MSI2: variants seen among roughly 807,000 people sequenced by gnomAD.
MSI2 encodes musashi RNA binding protein 2.
Under a neutral mutation model 45.6 loss-of-function variants are expected in MSI2, and 17 were observed. The observed-to-expected ratio is 0.37, with a 90% CI of 0.26 to 0.56. The LOEUF (loss-of-function observed/expected upper bound fraction) is 0.56, where lower values mean the gene tolerates loss of function less well. MSI2 is among the 20% of genes least tolerant of loss of function. The pLI, the probability that MSI2 is intolerant of heterozygous loss-of-function variation, is 0.77. For synonymous variants in MSI2, 156 were observed against 158.2 expected, an observed-to-expected ratio of 0.99 and a Z score of 0.11; for missense variants, 293 against 444.2, an observed-to-expected ratio of 0.66 and a Z score of 3.06.
At chr17:57,659,931 G>A (rs1279975426) in intron 11 of MSI2, among the ~76,000 whole-genome samples, 2 of 152,150 alleles carry the variant, frequency 1.3e-5, no homozygotes, top group African/African-American at 2.4e-5. Flanking sequence ...TATAACAATA[G>A]TAATTATTGT....
At chr17:57,406,648 T>C (rs932251245) in intron 6 of MSI2, among the ~76,000 whole-genome samples, 2 of 152,214 alleles carry the variant, frequency 1.3e-5, no homozygotes, top group East Asian at 3.8e-4. Context: ...GACTTATGCT[T>C]AGTCATTGGT....
At chr17:57,258,652 G>C (rs570609672) in intron 4 of MSI2, among the ~76,000 whole-genome samples, 1 of 152,316 alleles carries the variant, frequency 6.6e-6, no homozygotes, top group South Asian at 2.1e-4. Flanking sequence ...CTCCACCAGA[G>C]AGCAAATGCA....
intron 11 of MSI2, among the ~76,000 whole-genome samples, chr17:57,673,079 A>G (rs1040230694): frequency 2.0e-5 from 3 of 152,206 alleles, no homozygotes; most frequent in Non-Finnish European, 2.9e-5. Context: ...TCCCGCCCCA[A>G]GGGCATCTGG....
At chr17:57,641,143 C>T (rs1336140263) in intron 10 of MSI2, among the ~76,000 whole-genome samples, 1 of 152,210 alleles carries the variant, frequency 6.6e-6, no homozygotes. Flanking sequence ...TTGGTGGTGT[C>T]TGCCCTTCAA....
At chr17:57,636,905 AG>A (rs1909879398) in intron 10 of MSI2, among the ~76,000 whole-genome samples, 1 of 152,206 alleles carries the variant, frequency 6.6e-6, no homozygotes, top group South Asian at 2.1e-4. Flanking sequence ...TTTCCCAGGT[AG>A]GCTGCCATAA....
At chr17:57,557,232 G>A (rs1452821057) in intron 7 of MSI2, among the ~76,000 whole-genome samples, 3 of 152,236 alleles carry the variant, frequency 2.0e-5, no homozygotes, top group Non-Finnish European at 4.4e-5. Flanking sequence ...CTCAGTCATA[G>A]GCAACCAGAT....
intron 5 of MSI2, among the ~76,000 whole-genome samples, chr17:57,289,381 C>T (rs765609478): frequency 1.3e-4 from 20 of 152,050 alleles, no homozygotes; most frequent in Non-Finnish European, 2.4e-4. Flanking sequence ...GCAAGCTCCA[C>T]GAGTTTGATT....
In MSI2 at chr17:57,600,553, G is replaced by A. The variant is rs111467725; in HGVS notation, c.537+3603G>A. Among the ~76,000 whole-genome samples the A allele has an allele frequency of 9.6e-3, 1,460 of 152,262 alleles. 26 individuals carry two copies. Among genetic ancestry groups the A allele is most frequent in the African/African-American group, 0.033 (1,379 of 41,516 alleles). On this transcript the variant is annotated intron_variant, in intron 8 of 13. Transcript: ENST00000284073. ...AAGCCATTGCCCATCTAATTGGGTCGGGGAGTCTCTTCCTGGGCATTTTTT... is the reference window on the plus strand; with the variant it reads ...AAGCCATTGCCCATCTAATTGGGTCAGGGAGTCTCTTCCTGGGCATTTTTT...
chr17:57,600,801 G>C (rs1030306780), intron 8 of MSI2: 1 of 152,212 alleles, frequency 6.6e-6, no homozygotes, highest in Non-Finnish European at 1.5e-5. Context: ...ACTAATAGCT[G>C]ACATTGGGTG....
chr17:57,497,034 A>G (rs868013498), intron 6 of MSI2, among the ~76,000 whole-genome samples: 60 of 152,142 alleles, frequency 3.9e-4, no homozygotes, highest in African/African-American at 1.3e-3. Context: ...CTGGAGTGCG[A>G]TGGTGCAATC....
At position 57,680,349 on chromosome 17, in the gene MSI2, G is replaced by T. The variant is rs951997214; in HGVS notation, c.*832G>T. The T allele has an allele frequency of 4.4e-6, 1 of 226,004 alleles. No homozygotes were observed. The highest frequency in any genetic ancestry group is 8.8e-6 in the Non-Finnish European group (1 of 113,704). 14.0% of individuals were successfully genotyped at this position (226,004 alleles called of 1,614,324 possible). ...TTGTGAATTCTAAAAAAGAAATGTT[G>T]TAAATACAATTCCATTAACTACATA... is the stretch of plus-strand genomic sequence containing the variant. On this transcript the variant is annotated 3_prime_UTR_variant, in exon 14 of 14. Coordinates refer to ENST00000284073, the MANE Select transcript of MSI2 (RefSeq NM_138962.4).
Position 57,682,042 on chromosome 17 carries a change from CT to C in MSI2, c.*2532del. 1 of 206,772 alleles carries C rather than the reference CT, an allele frequency of 4.8e-6. No individual in the cohort carries two copies. Among genetic ancestry groups the C allele is most frequent in the Non-Finnish European group, 9.9e-6 (1 of 101,414 alleles). The allele number at this position is 206,772 out of a possible 1,614,324, so 12.8% of individuals were successfully genotyped here. A position where few individuals can be genotyped will look rare whatever the true frequency, so the allele number is the denominator to read the frequency against. ...TGCTGTCCTGGTACTAGTGTAGCGA[CT>C]TTTTTTCTCCTCTTTCTTCTAGTAC... On this transcript the variant is annotated 3_prime_UTR_variant, in exon 14 of 14. Transcript: ENST00000284073.
At chr17:57,489,144 G>A (rs1028945748) in intron 6 of MSI2, among the ~76,000 whole-genome samples, 4 of 152,246 alleles carry the variant, frequency 2.6e-5, no homozygotes, top group African/African-American at 7.2e-5. Flanking sequence ...CGCAAGCCAC[G>A]TGCTTTCTGG....
intron 6 of MSI2, among the ~76,000 whole-genome samples, chr17:57,412,403 C>A (rs1163551145): frequency 6.6e-6 from 1 of 152,054 alleles, no homozygotes; most frequent in African/African-American, 2.4e-5. Flanking sequence ...TTGCATAATT[C>A]TTTTTTGAAA....
At chr17:57,451,064 A>C (rs1472514625) in intron 6 of MSI2, among the ~76,000 whole-genome samples, 2 of 152,086 alleles carry the variant, frequency 1.3e-5, no homozygotes, top group Non-Finnish European at 2.9e-5. Context: ...AATCCAGGTT[A>C]AGATTGAGTA....
chr17:57,579,708 A>G (rs911689436), intron 7 of MSI2, among the ~76,000 whole-genome samples: 2 of 151,996 alleles, frequency 1.3e-5, no homozygotes, highest in Non-Finnish European at 2.9e-5. Flanking sequence ...GCAAGTCAAT[A>G]TAAGTAATGA....
intron 5 of MSI2, among the ~76,000 whole-genome samples, chr17:57,269,004 C>G (rs928946761): frequency 3.3e-5 from 5 of 151,998 alleles, no homozygotes; most frequent in Admixed American, 3.3e-4. Flanking sequence ...GAGGGGGTGA[C>G]CTGTGATACT....
chr17:57,460,299 G>A (rs886323484), intron 6 of MSI2, among the ~76,000 whole-genome samples: 3 of 151,948 alleles, frequency 2.0e-5, no homozygotes, highest in African/African-American at 4.8e-5. Flanking sequence ...ACTCCAGCCC[G>A]GGTGACAGAG....
Position 57,663,268 on chromosome 17 carries a change from G to A in MSI2, c.790+11107G>A, listed in dbSNP as rs566980822. Among the ~76,000 whole-genome samples, 15 of 152,310 alleles carry A rather than the reference G, an allele frequency of 9.8e-5. No homozygotes were observed. In the East Asian group the frequency reaches 2.1e-3, roughly 22 times the overall value. ...CGGTACCATGGCAACCGCGAGCAGG[G>A]CCTCATTTGTTTTGTAGATGAGTAA... On this transcript the variant is annotated intron_variant, in intron 11 of 13. Coordinates refer to ENST00000284073, the MANE Select transcript of MSI2 (RefSeq NM_138962.4).
Sources: gnomAD v4.1 joint callset for allele counts (sites outside exome capture counted in the v4.1 genomes callset) on GRCh38, gnomAD v4.1.1 for gene constraint, MANE v1.5 for transcripts, NCBI Gene and HGNC (gene_info 2026-07-23, HGNC 2026-07-21) for gene names.